The following DCDC1 variants were observed in gnomAD, a reference collection of about 807,000 sequenced individuals.
DCDC1 encodes the protein doublecortin domain containing 1, also known as doublecortin domain-containing protein 1.
DCDC1 carries 200 observed loss-of-function variants against 178.3 expected under a neutral mutation model. The observed-to-expected ratio is 1.12, with a 90% CI of 1.00 to 1.26. The LOEUF is 1.26. DCDC1 is among the 50% of genes most tolerant of loss of function. The pLI is 0.00. For synonymous variants in DCDC1, 690 were observed against 604.8 expected, an observed-to-expected ratio of 1.14 and a Z score of -2.07; for missense variants, 1,983 against 1,749.2, an observed-to-expected ratio of 1.13 and a Z score of -2.38.
chr11:31,114,656 A>G (rs1309531370), intron 11 of DCDC1, among the ~76,000 whole-genome samples: 1 of 152,200 alleles, frequency 6.6e-6, no homozygotes, highest in Non-Finnish European at 1.5e-5. Context: ...AGTATGTTCC[A>G]GGAACTGTAA....
At chr11:31,157,720 G>A (rs929362214) in intron 9 of DCDC1, among the ~76,000 whole-genome samples, 3 of 152,068 alleles carry the variant, frequency 2.0e-5, no homozygotes, top group Non-Finnish European at 2.9e-5. Context: ...AATGTACAGC[G>A]TTTCAGTTTG....
chr11:31,239,331 C>G (rs1976830508), intron 9 of DCDC1, among the ~76,000 whole-genome samples: 1 of 151,894 alleles, frequency 6.6e-6, no homozygotes. Context: ...TAGGAAATCC[C>G]ACTCACAAAT....
chr11:31,079,663 G>T (rs1286519936), intron 17 of DCDC1, among the ~76,000 whole-genome samples: 4 of 152,000 alleles, frequency 2.6e-5, no homozygotes, highest in African/African-American at 9.7e-5. Flanking sequence ...CACACAGCAG[G>T]TGTCCACTGA....
At chr11:30,906,757 G>C in intron 29 of DCDC1, 32 bp from the exon 30 acceptor site, 1 of 1,581,944 alleles carries the variant, frequency 6.3e-7, no homozygotes, top group Non-Finnish European at 8.6e-7. Context: ...GCTTTATATA[G>C]GAGCATCTAA....
chr11:30,882,759 C>A (rs1942802184), intron 36 of DCDC1: 1 of 151,998 alleles, frequency 6.6e-6, no homozygotes, highest in Non-Finnish European at 1.5e-5. Flanking sequence ...CAATGTAAAG[C>A]TAATGAAAAT....
intron 1 of DCDC1, among the ~76,000 whole-genome samples, chr11:31,344,413 T>C (rs1320662789): frequency 6.6e-6 from 1 of 152,188 alleles, no homozygotes; most frequent in African/African-American, 2.4e-5. Flanking sequence ...CATCCTTTTT[T>C]ACAAAAGACA....
chr11:30,964,836 G>A (rs765494591), intron 20 of DCDC1, among the ~76,000 whole-genome samples: 2 of 152,132 alleles, frequency 1.3e-5, no homozygotes, highest in Non-Finnish European at 2.9e-5. Flanking sequence ...ATGAAATGAT[G>A]AGTCTCATTT....
intron 7 of DCDC1, 38 bp downstream of exon 7, chr11:31,290,609 A>G (rs1390245887): frequency 6.4e-7 from 1 of 1,552,776 alleles, no homozygotes. Flanking sequence ...CAAAACTTTG[A>G]AATTAAATTC....
At chr11:31,201,976 G>A (rs1971340286) in intron 9 of DCDC1, among the ~76,000 whole-genome samples, 1 of 152,044 alleles carries the variant, frequency 6.6e-6, no homozygotes, top group Admixed American at 6.6e-5. Flanking sequence ...AGTATAAAAT[G>A]GTATTTGCTT....
At chr11:31,043,823 C>CT (rs61372876) in intron 20 of DCDC1, among the ~76,000 whole-genome samples, 48,208 of 142,134 alleles carry the variant, frequency 0.34, 8,280 homozygotes, top group Middle Eastern at 0.39. Flanking sequence ...TTTTTGTTTT[C>CT]TTTTTTTTTT....
intron 10 of DCDC1, among the ~76,000 whole-genome samples, chr11:31,130,749 TATC>T (rs1347350797): frequency 6.6e-5 from 10 of 152,120 alleles, no homozygotes. Context: ...TAGAAATTTC[TATC>T]ATCTATTCAT....
intron 9 of DCDC1, among the ~76,000 whole-genome samples, chr11:31,161,275 C>T (rs953042978): frequency 3.3e-5 from 5 of 152,118 alleles, no homozygotes; most frequent in African/African-American, 9.7e-5. Context: ...TGCGTAATTT[C>T]GAGGCCTATC....
intron 21 of DCDC1, among the ~76,000 whole-genome samples, chr11:30,935,794 C>T (rs369348675): frequency 5.1e-4 from 78 of 152,218 alleles, no homozygotes; most frequent in African/African-American, 1.7e-3. Flanking sequence ...CCTCGTGATC[C>T]GCCCGCCTCG....
At chr11:31,067,234 T>C (rs1219671796) in intron 18 of DCDC1, among the ~76,000 whole-genome samples, 6 of 151,974 alleles carry the variant, frequency 3.9e-5, no homozygotes. Context: ...TAAAGAACTC[T>C]TATACTCACT....
At chr11:31,079,725 A>G (rs1389162040) in intron 17 of DCDC1, among the ~76,000 whole-genome samples, 1 of 152,202 alleles carries the variant, frequency 6.6e-6, no homozygotes, top group Non-Finnish European at 1.5e-5. Context: ...CTAATATCAG[A>G]AGTGAAGTGT....
At chr11:30,964,568 GT>G (rs1949314198) in intron 20 of DCDC1, among the ~76,000 whole-genome samples, 1 of 152,110 alleles carries the variant, frequency 6.6e-6, no homozygotes, top group Admixed American at 6.6e-5. Flanking sequence ...CATTGCTGGG[GT>G]TCACTGATGA....
At chr11:30,883,763 C>A (rs12287592) in intron 36 of DCDC1, among the ~76,000 whole-genome samples, 3,615 of 152,018 alleles carry the variant, frequency 0.024, 121 homozygotes, top group African/African-American at 0.082. Context: ...CAAATGATGT[C>A]CTCCAGTATA....
chr11:31,052,248 A>C (rs1955307274), intron 20 of DCDC1, among the ~76,000 whole-genome samples: 1 of 152,232 alleles, frequency 6.6e-6, no homozygotes, highest in Non-Finnish European at 1.5e-5. Flanking sequence ...CGGTTAAAAG[A>C]GACAAAGAGA....
intron 20 of DCDC1, among the ~76,000 whole-genome samples, chr11:30,985,630 AAAT>A (rs1349561019): frequency 1.3e-5 from 2 of 152,162 alleles, no homozygotes; most frequent in Non-Finnish European, 2.9e-5. Context: ...AAAGTATATG[AAAT>A]ATTAAAAGTA....
Sources: gnomAD v4.1 joint callset for allele counts (sites outside exome capture counted in the v4.1 genomes callset) on GRCh38, gnomAD v4.1.1 for gene constraint, MANE v1.5 for transcripts, NCBI Gene and HGNC (gene_info 2026-07-23, HGNC 2026-07-21) for gene names.